ZNF676: variants seen among roughly 807,000 people sequenced by gnomAD.
The protein encoded by ZNF676 is zinc finger protein 676.
Under a neutral mutation model 6.0 loss-of-function variants are expected in ZNF676, and 4 were observed. That is an observed-to-expected ratio of 0.67 (90% confidence interval 0.33 to 1.53). The LOEUF is 1.53. Ranked by LOEUF, ZNF676 falls within the 40% of genes most tolerant of loss-of-function variation. ZNF676 has a pLI of 0.06. For missense variants in ZNF676, 644 were observed against 679.7 expected (o/e 0.95, Z 0.58); for synonymous variants, 198 against 223.1 (o/e 0.89, Z 1.00).
the ZNF676 span, among the ~76,000 whole-genome samples, chr19:22,252,509 A>T: frequency 6.6e-6 from 1 of 151,926 alleles, no homozygotes; most frequent in African/African-American, 2.4e-5. Flanking sequence ...CACTGGGCAC[A>T]GCCAAAGCAG....
chr19:22,180,271 A>G lies in ZNF676; in HGVS notation c.1446T>C (p.Cys482=). The G allele has an allele frequency of 6.2e-7, 1 of 1,612,658 alleles. No homozygotes were observed. Among genetic ancestry groups the G allele is most frequent in the Non-Finnish European group, 8.5e-7 (1 of 1,178,784 alleles). ...TTGAGAACGTACTAAAGCCTTTGCC[A>G]CATTCTTCACATTTGTAAGGTTTCT... The part of the protein sequence containing the change: ...AAEKPYKCEE[C]GKGFSTFSIL... The change falls in exon 3 of 3, where the codon TGT becomes TGC. Residue 482 remains cysteine (C), a synonymous_variant. Coordinates refer to ENST00000397121, the MANE Select transcript of ZNF676 (RefSeq NM_001001411.3).
the ZNF676 span, among the ~76,000 whole-genome samples, chr19:22,231,891 C>T: frequency 7.9e-5 from 12 of 152,152 alleles, no homozygotes; most frequent in African/African-American, 2.4e-4. Context: ...TGAGCCACCG[C>T]GCCTGGCCTT....
At chr19:22,187,034 T>C (rs527996989) in intron 2 of ZNF676, among the ~76,000 whole-genome samples, 1 of 152,150 alleles carries the variant, frequency 6.6e-6, no homozygotes, top group Non-Finnish European at 1.5e-5. Context: ...AATAGACATC[T>C]ACAGGGCTCT....
At chr19:22,237,884 G>A in the ZNF676 span, among the ~76,000 whole-genome samples, 1 of 152,150 alleles carries the variant, frequency 6.6e-6, no homozygotes, top group Non-Finnish European at 1.5e-5. Context: ...CACCTGGTGA[G>A]GCTGTGCATA....
the ZNF676 span, among the ~76,000 whole-genome samples, chr19:22,254,266 G>A: frequency 6.6e-6 from 1 of 151,734 alleles, no homozygotes; most frequent in African/African-American, 2.4e-5. Context: ...ATGTCAAAAT[G>A]CTCTCTGTGG....
At chr19:22,188,917 G>T (rs922752563) in intron 2 of ZNF676, among the ~76,000 whole-genome samples, 1 of 152,052 alleles carries the variant, frequency 6.6e-6, no homozygotes, top group African/African-American at 2.4e-5. Context: ...TCGTGAAAAT[G>T]GCCATACTGC....
chr19:22,191,593 A>G (rs1215214702), intron 2 of ZNF676, among the ~76,000 whole-genome samples: 1 of 152,166 alleles, frequency 6.6e-6, no homozygotes, highest in Non-Finnish European at 1.5e-5. Flanking sequence ...GAAAAGCCAT[A>G]CTAATCCACA....
intron 1 of ZNF676, among the ~76,000 whole-genome samples, chr19:22,193,501 C>T (rs2023935090): frequency 6.6e-6 from 1 of 152,026 alleles, no homozygotes; most frequent in South Asian, 2.1e-4. Flanking sequence ...CTGCCGCTGT[C>T]TCCTTCTTAT....
chr19:22,180,653 T>G lies in ZNF676; in HGVS notation c.1064A>C (p.His355Pro). Residue 355 changes from histidine (H) to proline (P), a missense_variant, in exon 3 of 3, where the codon CAT becomes CCT. Physicochemically the swap from His to Pro is moderately conservative, Grantham distance 77. This residue lies in a region of ZNF676 where 29 missense variants were observed against 44.4 expected (regional missense o/e 0.65). Transcript: ENST00000397121. Reference protein sequence around the residue: ...AFNRSSILTKHKIIHTGEKPY... With the variant: ...AFNRSSILTKPKIIHTGEKPY... ...TTTCTCTCCAGTATGAATAATCTTA[T>G]GTTTAGTAAGGATTGAGGATCGATT... 6.2e-7 allele frequency: 1 copy of G among 1,612,786 alleles called. No homozygotes were observed. Among genetic ancestry groups the G allele is most frequent in the Non-Finnish European group, 8.5e-7 (1 of 1,179,470 alleles).
chr19:22,190,668 T>TATACAC (rs1233210246), intron 2 of ZNF676, among the ~76,000 whole-genome samples: 1 of 93,760 alleles, frequency 1.1e-5, no homozygotes, highest in Non-Finnish European at 2.0e-5. Flanking sequence ...TATATATACA[T>TATACAC]ACACACTTTA....
At chr19:22,247,177 GC>G in the ZNF676 span, among the ~76,000 whole-genome samples, 3 of 151,990 alleles carry the variant, frequency 2.0e-5, no homozygotes, top group Non-Finnish European at 2.9e-5. Flanking sequence ...CAATATAGAA[GC>G]AGTACAGTCT....
chr19:22,244,952 G>A, the ZNF676 span: 9 of 152,296 alleles, frequency 5.9e-5, no homozygotes, highest in East Asian at 1.4e-3. Flanking sequence ...TGGCATGGCC[G>A]AGGAAGAAGT....
At chr19:22,233,848 C>G in the ZNF676 span, among the ~76,000 whole-genome samples, 3 of 152,210 alleles carry the variant, frequency 2.0e-5, no homozygotes, top group African/African-American at 7.2e-5. Flanking sequence ...ATCCTATCCA[C>G]TTGATTATCA....
In ZNF676 at chr19:22,215,343, GA is replaced by G. The variant is rs559324970; in HGVS notation, c.3+288del. ...ACACCTCAAGTCAGGATTCTCCTCT[GA>G]CTACCCTCCCACAGTCCGTGCACAA... On this transcript the variant is annotated intron_variant, in intron 1 of 3. Transcript: ENST00000650058. 2.8e-3 allele frequency among the ~76,000 whole-genome samples: 427 copies of G among 152,244 alleles called. 4 individuals carry two copies. The highest frequency in any genetic ancestry group is 9.8e-3 in the African/African-American group (407 of 41,544).
intron 1 of ZNF676, among the ~76,000 whole-genome samples, chr19:22,206,631 C>T (rs1008288508): frequency 6.6e-6 from 1 of 151,688 alleles, no homozygotes; most frequent in African/African-American, 2.4e-5. Context: ...ACCAAGATTG[C>T]ACCACTGCAC....
intron 2 of ZNF676, among the ~76,000 whole-genome samples, chr19:22,183,223 G>C (rs1194411633): frequency 1.3e-5 from 2 of 151,968 alleles, no homozygotes; most frequent in African/African-American, 4.8e-5. Flanking sequence ...TGAGGGACAA[G>C]ATGAAAGAAT....
the ZNF676 span, among the ~76,000 whole-genome samples, chr19:22,242,239 G>T: frequency 1.3e-5 from 2 of 151,930 alleles, no homozygotes; most frequent in African/African-American, 4.9e-5. Context: ...TGAGTGCTGG[G>T]AAAGGGTAAA....
intron 2 of ZNF676, among the ~76,000 whole-genome samples, chr19:22,183,484 T>A (rs1464762916): frequency 2.0e-5 from 3 of 152,090 alleles, no homozygotes; most frequent in Non-Finnish European, 4.4e-5. Context: ...ATTACAAAAG[T>A]CTACCAACAC....
chr19:22,237,829 A>AG, the ZNF676 span, among the ~76,000 whole-genome samples: 21 of 152,268 alleles, frequency 1.4e-4, no homozygotes, highest in Admixed American at 1.3e-3. Flanking sequence ...TCCAAGTGGC[A>AG]GGGTCCCATT....
Sources: allele counts gnomAD v4.1 joint callset (sites outside exome capture counted in the v4.1 genomes callset), GRCh38; gene constraint gnomAD v4.1.1; regional missense constraint gnomAD v4.1.1; transcripts MANE v1.5; gene names NCBI Gene and HGNC (gene_info 2026-07-23, HGNC 2026-07-21).